SLC39A11: variants seen among roughly 807,000 people sequenced by gnomAD.
SLC39A11 encodes the protein solute carrier family 39 member 11, also known as zinc transporter ZIP11.
SLC39A11 carries 33 observed loss-of-function variants against 36.1 expected under a neutral mutation model. The observed-to-expected ratio is 0.91, with a 90% CI of 0.69 to 1.22. The LOEUF (loss-of-function observed/expected upper bound fraction) is 1.22, where lower values mean the gene tolerates loss of function less well. Among genes scored for constraint, SLC39A11 ranks in the 50% most tolerant of loss-of-function variants. The pLI is 0.00. For synonymous variants in SLC39A11, 166 were observed against 170.3 expected (o/e 0.97, Z 0.20); for missense variants, 432 against 430.3 (o/e 1.00, Z -0.03).
At chr17:72,885,665 T>A (rs1307360441) in intron 5 of SLC39A11, among the ~76,000 whole-genome samples, 2 of 104,766 alleles carry the variant, frequency 1.9e-5, no homozygotes, top group East Asian at 4.2e-4. Flanking sequence ...GAACGCTGGA[T>A]CCAGTTCTTT....
At chr17:72,788,465 G>A (rs2076590162) in intron 6 of SLC39A11, among the ~76,000 whole-genome samples, 2 of 151,828 alleles carry the variant, frequency 1.3e-5, no homozygotes, top group Admixed American at 1.3e-4. Context: ...GGTCAAGGAA[G>A]TCGACCAATG....
chr17:72,874,205 T>C (rs1327781944), intron 5 of SLC39A11, among the ~76,000 whole-genome samples: 1 of 152,162 alleles, frequency 6.6e-6, no homozygotes, highest in Non-Finnish European at 1.5e-5. Context: ...GACAGTATAA[T>C]AGGAGACAAG....
At chr17:72,742,323 C>T (rs544495549) in intron 6 of SLC39A11, among the ~76,000 whole-genome samples, 7 of 152,272 alleles carry the variant, frequency 4.6e-5, no homozygotes, top group East Asian at 3.9e-4. Context: ...GAGGCAGCCT[C>T]GTTTTTGCAG....
chr17:73,003,027 A>G (rs2089908307), intron 4 of SLC39A11, among the ~76,000 whole-genome samples: 1 of 152,186 alleles, frequency 6.6e-6, no homozygotes, highest in Non-Finnish European at 1.5e-5. Flanking sequence ...TCGCATCTGT[A>G]AAGGTCCTTC....
rs192105727 is a variant in SLC39A11 at position 73,052,388 on chromosome 17, T to A, written c.148-20674A>T. On this transcript the variant is annotated intron_variant, in intron 3 of 9. Coordinates refer to ENST00000255559, the MANE Select transcript of SLC39A11 (RefSeq NM_139177.4). Reference sequence around the variant, plus strand: ...GCAAAAACAACCGAAAACACTTTGCTCTTTTTATGGAATCAATGAAATTTT... The same window carrying A: ...GCAAAAACAACCGAAAACACTTTGCACTTTTTATGGAATCAATGAAATTTT... Among the ~76,000 whole-genome samples, 13 of 151,420 alleles carry A rather than the reference T, an allele frequency of 8.6e-5. No homozygotes were observed. In the East Asian group the frequency reaches 2.1e-3, roughly 25 times the overall value.
chr17:73,074,117 G>T (rs2060245957), intron 3 of SLC39A11, among the ~76,000 whole-genome samples: 1 of 150,854 alleles, frequency 6.6e-6, no homozygotes, highest in Admixed American at 6.6e-5. Context: ...TAATTATTGA[G>T]AAATATTAAT....
intron 7 of SLC39A11, among the ~76,000 whole-genome samples, chr17:72,707,804 G>T (rs969169213): frequency 6.6e-6 from 1 of 152,206 alleles, no homozygotes; most frequent in Non-Finnish European, 1.5e-5. Context: ...CCAAGCAAAA[G>T]CCAAAGTTCA....
At chr17:73,015,211 C>T (rs887376156) in intron 4 of SLC39A11, among the ~76,000 whole-genome samples, 20 of 152,166 alleles carry the variant, frequency 1.3e-4, no homozygotes, top group African/African-American at 4.8e-4. Flanking sequence ...TGCACGGTTC[C>T]TTCTTCTAAA....
intron 4 of SLC39A11, among the ~76,000 whole-genome samples, chr17:72,995,318 A>G (rs2089441244): frequency 1.3e-5 from 2 of 152,224 alleles, no homozygotes; most frequent in African/African-American, 4.8e-5. Flanking sequence ...TAAGCACTAC[A>G]TCAGGCCTGA....
chr17:72,837,238 C>T (rs541788738), intron 6 of SLC39A11, among the ~76,000 whole-genome samples: 1 of 152,110 alleles, frequency 6.6e-6, no homozygotes, highest in African/African-American at 2.4e-5. Flanking sequence ...TCAAAATCCA[C>T]AGCAACTGCC....
In SLC39A11 at chr17:72,951,246, A is replaced by G. The variant is rs1380161700; in HGVS notation, c.307-3371T>C. 5.9e-5 allele frequency among the ~76,000 whole-genome samples: 8 copies of G among 134,562 alleles called. No homozygotes were observed. In the East Asian group the frequency reaches 7.5e-4, roughly 13 times the overall value. The allele number at this position is 134,562 out of a possible 152,430, so 88.3% of individuals were successfully genotyped here. A position where few individuals can be genotyped will look rare whatever the true frequency, so the allele number is the denominator to read the frequency against. ...TACTGCACTCCAGCCTGGGCAACGG[A>G]GAGTGACCCTGTTGCAAAAAAAAAA... On this transcript the variant is annotated intron_variant, in intron 4 of 9. Transcript: ENST00000255559.
At chr17:72,893,273 CAA>C (rs1793384971) in intron 5 of SLC39A11, among the ~76,000 whole-genome samples, 5 of 152,092 alleles carry the variant, frequency 3.3e-5, no homozygotes, top group African/African-American at 9.7e-5. Flanking sequence ...CCAGCCTGGC[CAA>C]CATGGTGAAA....
intron 6 of SLC39A11, among the ~76,000 whole-genome samples, chr17:72,818,473 C>A (rs570082883): frequency 6.6e-6 from 1 of 152,276 alleles, no homozygotes; most frequent in East Asian, 1.9e-4. Flanking sequence ...CAGGCTACCT[C>A]GCACCTTGCA....
intron 6 of SLC39A11, among the ~76,000 whole-genome samples, chr17:72,751,111 G>A (rs4575580): frequency 0.36 from 54,733 of 152,022 alleles, 11,995 homozygotes; most frequent in Non-Finnish European, 0.49. Flanking sequence ...AGACGAGCGT[G>A]GTGGTGGGCG....
intron 7 of SLC39A11, among the ~76,000 whole-genome samples, chr17:72,649,615 CCT>C (rs904064978): frequency 6.6e-6 from 1 of 151,798 alleles, no homozygotes; most frequent in African/African-American, 2.4e-5. Flanking sequence ...ACTTTCTACG[CCT>C]CTGTTTCTTT....
rs1226916864 is a variant in SLC39A11, at chr17:72,864,853, A to AGCT, written c.431-15052_431-15050dup. 3.9e-5 allele frequency among the ~76,000 whole-genome samples: 6 copies of AGCT among 152,178 alleles called. No individual in the cohort carries two copies. The East Asian group carries it at 1.2e-3, about 29-fold the overall frequency. ...TATAAGTCTTGAAAAAGATACAAGA[A>AGCT]GCTCCAGGACATGATGCAGAAGAAA... is the stretch of plus-strand genomic sequence containing the variant. On this transcript the variant is annotated intron_variant, in intron 5 of 9. Coordinates refer to ENST00000255559, the MANE Select transcript of SLC39A11 (RefSeq NM_139177.4).
intron 6 of SLC39A11, among the ~76,000 whole-genome samples, chr17:72,762,501 A>G (rs1598618410): frequency 6.6e-6 from 1 of 152,032 alleles, no homozygotes; most frequent in African/African-American, 2.4e-5. Context: ...TGAATAATCC[A>G]CCCCTTGTTT....
intron 7 of SLC39A11, among the ~76,000 whole-genome samples, chr17:72,694,661 C>T (rs1488000367): frequency 6.6e-6 from 1 of 152,180 alleles, no homozygotes; most frequent in African/African-American, 2.4e-5. Context: ...AACTTGAATA[C>T]GAAGGTGGAG....
At chr17:72,730,443 A>G (rs1387432269) in intron 7 of SLC39A11, among the ~76,000 whole-genome samples, 1 of 152,114 alleles carries the variant, frequency 6.6e-6, no homozygotes, top group Non-Finnish European at 1.5e-5. Context: ...CAACTTTACC[A>G]TGTCATATTT....
Sources: gnomAD v4.1 joint callset for allele counts (sites outside exome capture counted in the v4.1 genomes callset) on GRCh38, gnomAD v4.1.1 for gene constraint, MANE v1.5 for transcripts, NCBI Gene and HGNC (gene_info 2026-07-23, HGNC 2026-07-21) for gene names.